Variants in GFRAL observed in about 807,000 individuals in gnomAD.
GFRAL encodes GDNF family receptor alpha-like.
In GFRAL, 36 loss-of-function variants were observed where a neutral mutation model predicts 45.4. The observed-to-expected ratio is 0.79, with a 90% CI of 0.61 to 1.05. The LOEUF (loss-of-function observed/expected upper bound fraction) is 1.05. Among genes scored for constraint, GFRAL ranks in the 50% least tolerant of loss-of-function variants. The probability of loss-of-function intolerance (pLI) is 0.00; values close to 1 mark genes in which losing one functional copy is unlikely to be tolerated. For missense variants in GFRAL, 507 were observed against 467.5 expected, an observed-to-expected ratio of 1.08 and a Z score of -0.78; for synonymous variants, 166 against 154.1, an observed-to-expected ratio of 1.08 and a Z score of -0.57.
At chr6:55,395,241 G>C (rs954266053) in intron 6 of GFRAL, among the ~76,000 whole-genome samples, 1 of 149,508 alleles carries the variant, frequency 6.7e-6, no homozygotes, top group African/African-American at 2.5e-5. Flanking sequence ...GTAGCCATAA[G>C]TGAGTTATTC....
At chr6:55,392,578 T>C (rs1286583095) in intron 6 of GFRAL, among the ~76,000 whole-genome samples, 1 of 152,162 alleles carries the variant, frequency 6.6e-6, no homozygotes, top group Non-Finnish European at 1.5e-5. Flanking sequence ...GCAGCAAAAG[T>C]GGGATTGATG....
At chr6:55,374,455 A>G (rs1581754191) in intron 6 of GFRAL, among the ~76,000 whole-genome samples, 1 of 151,462 alleles carries the variant, frequency 6.6e-6, no homozygotes, top group African/African-American at 2.4e-5. Context: ...CCTTTCCTTT[A>G]CCCACTTTTT....
chr6:55,400,098 T>C (rs1340248562), intron 8 of GFRAL, among the ~76,000 whole-genome samples: 2 of 152,140 alleles, frequency 1.3e-5, no homozygotes, highest in Non-Finnish European at 2.9e-5. Context: ...TTAAAATTTT[T>C]CCACTTATTT....
intron 5 of GFRAL, among the ~76,000 whole-genome samples, chr6:55,353,138 G>A (rs533404772): frequency 3.9e-5 from 6 of 152,102 alleles, no homozygotes; most frequent in African/African-American, 1.4e-4. Flanking sequence ...TTGAGTGGGT[G>A]TGAACAGGCC....
At chr6:55,329,889 A>G (rs1416935280) in intron 1 of GFRAL, among the ~76,000 whole-genome samples, 2 of 152,168 alleles carry the variant, frequency 1.3e-5, no homozygotes, top group Non-Finnish European at 2.9e-5. Flanking sequence ...CTTGAAGCCT[A>G]TCACTCTACA....
chr6:55,337,657 A>T (rs754230652), intron 3 of GFRAL, among the ~76,000 whole-genome samples: 6 of 152,176 alleles, frequency 3.9e-5, no homozygotes, highest in African/African-American at 1.4e-4. Context: ...TGCTGAATTT[A>T]TGTTGGATTT....
intron 6 of GFRAL, among the ~76,000 whole-genome samples, chr6:55,383,344 A>G (rs1180077841): frequency 2.0e-5 from 3 of 152,038 alleles, no homozygotes; most frequent in Non-Finnish European, 2.9e-5. Flanking sequence ...AATCTCATAT[A>G]CAATTATGCA....
At chr6:55,329,694 G>A (rs1030787712) in intron 1 of GFRAL, among the ~76,000 whole-genome samples, 2 of 152,028 alleles carry the variant, frequency 1.3e-5, no homozygotes, top group African/African-American at 4.8e-5. Flanking sequence ...AAGCTGATAT[G>A]TCCATTTCCA....
At chr6:55,368,699 C>T (rs1442379113) in intron 6 of GFRAL, among the ~76,000 whole-genome samples, 2 of 152,106 alleles carry the variant, frequency 1.3e-5, no homozygotes, top group Admixed American at 6.5e-5. Flanking sequence ...GAGTACCCTG[C>T]CCTGTGAGGT....
intron 6 of GFRAL, among the ~76,000 whole-genome samples, chr6:55,363,178 C>T (rs1458978707): frequency 6.6e-6 from 1 of 151,756 alleles, no homozygotes; most frequent in African/African-American, 2.4e-5. Flanking sequence ...TTAAAGAATA[C>T]AGAAATAATC....
At chr6:55,366,076 CTT>C (rs1554189413) in intron 6 of GFRAL, among the ~76,000 whole-genome samples, 1 of 151,460 alleles carries the variant, frequency 6.6e-6, no homozygotes, top group Admixed American at 6.6e-5. Flanking sequence ...GTCCTTGACT[CTT>C]TTTGGTTGGT....
At position 55,402,080 on chromosome 6, in the gene GFRAL, G is replaced by A. The variant is rs1768907247; in HGVS notation, c.*227G>A. 4 of 331,438 alleles carry A rather than the reference G, an allele frequency of 1.2e-5. No individual in the cohort carries two copies. The South Asian group carries it at 2.3e-4, about 19-fold the overall frequency. The allele number at this position is 331,438 out of a possible 1,614,324, so 20.5% of individuals were successfully genotyped here. A position where few individuals can be genotyped will look rare whatever the true frequency, so the allele number is the denominator to read the frequency against. On this transcript the variant is annotated 3_prime_UTR_variant, in exon 9 of 9. Transcript: ENST00000340465. ...CAACCTCTGCCTCCAAGGTTCAAGT[G>A]ATTTTCCTGCCTCAGCCTTCCCGAG... is the stretch of plus-strand genomic sequence containing the variant.
intron 6 of GFRAL, among the ~76,000 whole-genome samples, chr6:55,380,114 A>T (rs1473456181): frequency 6.6e-6 from 1 of 151,956 alleles, no homozygotes; most frequent in African/African-American, 2.4e-5. Context: ...CAGCACACTA[A>T]TTTCACTTCC....
chr6:55,373,156 AT>A (rs1415121895), intron 6 of GFRAL, among the ~76,000 whole-genome samples: 1 of 152,058 alleles, frequency 6.6e-6, no homozygotes, highest in East Asian at 1.9e-4. Context: ...GTGAGATCCT[AT>A]ACTATAGGCA....
Position 55,327,478 on chromosome 6 carries a change from A to G in GFRAL, c.-77A>G, listed in dbSNP as rs1432765268. The stretch of plus-strand genomic sequence containing the variant: ...CACAGAGGCTGAAGCCTTATTCTGG[A>G]CAGTTACTCTTAAGAAAGTTGTCAG... On this transcript the variant is annotated 5_prime_UTR_variant, in exon 1 of 9. Transcript: ENST00000340465. The G allele has an allele frequency of 4.2e-5, 62 of 1,492,932 alleles. No individual in the cohort carries two copies. Among genetic ancestry groups the G allele is most frequent in the Non-Finnish European group, 5.4e-5 (58 of 1,074,102 alleles). 92.5% of individuals were successfully genotyped at this position (1,492,932 alleles called of 1,614,324 possible).
chr6:55,390,895 T>TACACACACACACACAC (rs34769114), intron 6 of GFRAL, among the ~76,000 whole-genome samples: 3 of 135,556 alleles, frequency 2.2e-5, no homozygotes, highest in Admixed American at 7.1e-5. Flanking sequence ...CTCACACACA[T>TACACACACACACACAC]ACACACACAC....
chr6:55,394,064 T>C (rs1241233330), intron 6 of GFRAL, among the ~76,000 whole-genome samples: 1 of 152,080 alleles, frequency 6.6e-6, no homozygotes, highest in African/African-American at 2.4e-5. Context: ...GCTAATGGGA[T>C]ATACGATTGA....
chr6:55,346,799 C>T (rs1386749916), intron 3 of GFRAL, among the ~76,000 whole-genome samples: 3 of 143,146 alleles, frequency 2.1e-5, no homozygotes, highest in Non-Finnish European at 4.6e-5. Context: ...GTGGAAATAA[C>T]CTAGATATCA....
At chr6:55,353,757 T>C (rs1768150359) in intron 5 of GFRAL, among the ~76,000 whole-genome samples, 1 of 152,124 alleles carries the variant, frequency 6.6e-6, no homozygotes, top group Non-Finnish European at 1.5e-5. Context: ...CAAAGACATT[T>C]GTCATAATTT....
Sources: gnomAD v4.1 joint callset for allele counts (sites outside exome capture counted in the v4.1 genomes callset) on GRCh38, gnomAD v4.1.1 for gene constraint, MANE v1.5 for transcripts, NCBI Gene and HGNC (gene_info 2026-07-23, HGNC 2026-07-21) for gene names.